INPP4A: variants seen among roughly 807,000 people sequenced by gnomAD.
INPP4A encodes inositol polyphosphate-4-phosphatase, type I, 107kD.
INPP4A carries 33 observed loss-of-function variants against 119.8 expected under a neutral mutation model. The observed-to-expected ratio is 0.28, with a 90% CI of 0.21 to 0.37. The LOEUF (loss-of-function observed/expected upper bound fraction) is 0.37, where lower values mean the gene tolerates loss of function less well. INPP4A is among the 10% of genes least tolerant of loss of function. The pLI is 1.00. For missense variants in INPP4A, 956 were observed against 1,289.9 expected (o/e 0.74, Z 3.97); for synonymous variants, 496 against 500.7 (o/e 0.99, Z 0.12).
At chr2:98,558,592 G>A (rs1245815449) in intron 16 of INPP4A, among the ~76,000 whole-genome samples, 1 of 152,144 alleles carries the variant, frequency 6.6e-6, no homozygotes, top group Non-Finnish European at 1.5e-5. Flanking sequence ...CCATAAAGCT[G>A]GTTCTGGCTG....
chr2:98,523,239 A>G (rs1687557674), intron 4 of INPP4A, among the ~76,000 whole-genome samples: 1 of 152,266 alleles, frequency 6.6e-6, no homozygotes, highest in Non-Finnish European at 1.5e-5. Flanking sequence ...TCATCCGCCT[A>G]TAAATCAGGA....
At chr2:98,567,991 C>G (rs752211387) in intron 21 of INPP4A, among the ~76,000 whole-genome samples, 12 of 152,238 alleles carry the variant, frequency 7.9e-5, no homozygotes, top group Non-Finnish European at 1.5e-4. Flanking sequence ...CTAATGATCA[C>G]CTTGTGCCTT....
At chr2:98,468,399 A>G (rs1034898737) in intron 1 of INPP4A, among the ~76,000 whole-genome samples, 2 of 152,008 alleles carry the variant, frequency 1.3e-5, no homozygotes, top group Non-Finnish European at 2.9e-5. Flanking sequence ...CCATGCCTAA[A>G]TTTTATTTTT....
At chr2:98,552,666 GAA>G (rs1282672397) in intron 13 of INPP4A, 118 bp from the exon 14 acceptor site, 2 of 834,972 alleles carry the variant, frequency 2.4e-6, no homozygotes, top group African/African-American at 3.3e-5. Context: ...TAGCTTGAGA[GAA>G]CATCCCTGAG....
Position 98,588,385 on chromosome 2 carries a change from C to A in INPP4A, c.*777C>A. 1 of 199,474 alleles carries A rather than the reference C, an allele frequency of 5.0e-6. No individual in the cohort carries two copies. The highest frequency in any genetic ancestry group is 7.9e-5 in the East Asian group (1 of 12,726). 12.4% of individuals were successfully genotyped at this position (199,474 alleles called of 1,614,324 possible). On this transcript the variant is annotated 3_prime_UTR_variant, in exon 25 of 25. Coordinates refer to ENST00000409851, the MANE Select transcript of INPP4A (RefSeq NM_001134225.2). The stretch of plus-strand genomic sequence containing the variant: ...CCGAGGCTCCCTCACGCCCAGAGGA[C>A]ACATCTCCCCTTCTTCTCTAGATGT...
chr2:98,526,617 C>T lies in INPP4A; in HGVS notation c.151+5886C>T, dbSNP rs149326719. On this transcript the variant is annotated intron_variant, in intron 4 of 24. Transcript: ENST00000409851. ...AACTCTGAAAATTAACAGAGGCTTA[C>T]AGCACTCTGGGTAGCATTTATTTAA... Among the ~76,000 whole-genome samples the T allele has an allele frequency of 1.6e-4, 24 of 152,294 alleles. 1 individual carries two copies. Among genetic ancestry groups the T allele is most frequent in the Non-Finnish European group, 1.8e-4 (12 of 68,026 alleles).
chr2:98,553,008 T>G (rs752784449), intron 14 of INPP4A, 39 bp downstream of exon 14: 1 of 1,538,500 alleles, frequency 6.5e-7, no homozygotes, highest in Admixed American at 1.9e-5. Context: ...CTGGGGAGTT[T>G]CCTTGGGTTT....
At chr2:98,450,284 A>T (rs533670212) in intron 1 of INPP4A, among the ~76,000 whole-genome samples, 1 of 152,238 alleles carries the variant, frequency 6.6e-6, no homozygotes, top group African/African-American at 2.4e-5. Context: ...ACCCAGTTAT[A>T]TCACCTAACT....
intron 1 of INPP4A, among the ~76,000 whole-genome samples, chr2:98,491,726 C>T (rs757926408): frequency 2.6e-5 from 4 of 152,164 alleles, no homozygotes; most frequent in Non-Finnish European, 5.9e-5. Context: ...CCCTTAGGGG[C>T]ACACAGTCAT....
chr2:98,504,464 G>A (rs528543733), intron 1 of INPP4A, among the ~76,000 whole-genome samples: 2 of 152,322 alleles, frequency 1.3e-5, no homozygotes, highest in South Asian at 4.1e-4. Flanking sequence ...GGGACCTAGA[G>A]GACCAAGATG....
rs1456418696 is a variant in INPP4A at position 98,570,165 on chromosome 2, C to T, written c.2518+1497C>T. Reference sequence around the variant, plus strand: ...GCGCAGGGCTACAGGGGACCGACAGCGAGTGCAGCACTGGCCCCAGCTGAG... The same window carrying T: ...GCGCAGGGCTACAGGGGACCGACAGTGAGTGCAGCACTGGCCCCAGCTGAG... On this transcript the variant is annotated intron_variant, in intron 22 of 24. Transcript: ENST00000409851. The surrounding 1 kb of genome is among the most constrained non-coding windows in gnomAD (Gnocchi z 4.3). 3.9e-5 allele frequency among the ~76,000 whole-genome samples: 6 copies of T among 152,104 alleles called. No homozygotes were observed. The highest frequency in any genetic ancestry group is 1.9e-4 in the East Asian group (1 of 5,186).
chr2:98,469,761 G>A (rs370163733), intron 1 of INPP4A, among the ~76,000 whole-genome samples: 28 of 152,074 alleles, frequency 1.8e-4, no homozygotes, highest in East Asian at 5.8e-4. Context: ...CTGAGATCAC[G>A]CCATTGCACT....
chr2:98,584,547 G>A (rs1368215710), intron 24 of INPP4A, among the ~76,000 whole-genome samples: 2 of 152,272 alleles, frequency 1.3e-5, no homozygotes, highest in African/African-American at 4.8e-5. Context: ...CCTCCCAGGG[G>A]GCCTCAAGGA....
intron 1 of INPP4A, among the ~76,000 whole-genome samples, chr2:98,511,616 A>G (rs1685134171): frequency 6.6e-6 from 1 of 152,152 alleles, no homozygotes. Context: ...TCCTGGAGGG[A>G]CAGAGCACCC....
intron 24 of INPP4A, chr2:98,581,757 A>T (rs772377041): frequency 6.8e-5 from 109 of 1,607,916 alleles, no homozygotes; most frequent in South Asian, 3.1e-4. Flanking sequence ...TTGCAAATGA[A>T]TATCATTATG....
At chr2:98,545,107 G>C (rs192596493) in intron 11 of INPP4A, among the ~76,000 whole-genome samples, 1 of 152,270 alleles carries the variant, frequency 6.6e-6, no homozygotes, top group East Asian at 1.9e-4. Flanking sequence ...CTCATGGTGC[G>C]GTCTGTGGAC....
At chr2:98,483,819 C>T (rs1678990811) in intron 1 of INPP4A, among the ~76,000 whole-genome samples, 1 of 152,132 alleles carries the variant, frequency 6.6e-6, no homozygotes, top group Non-Finnish European at 1.5e-5. Context: ...CAAGGTTGCA[C>T]ATTGGCTGCA....
intron 1 of INPP4A, among the ~76,000 whole-genome samples, chr2:98,456,116 G>T (rs1032816490): frequency 6.6e-6 from 1 of 152,148 alleles, no homozygotes; most frequent in African/African-American, 2.4e-5. Context: ...TCTGGTTCAG[G>T]TCTGGACTGT....
At chr2:98,535,473 C>G (rs933993075) in intron 5 of INPP4A, among the ~76,000 whole-genome samples, 4 of 152,192 alleles carry the variant, frequency 2.6e-5, no homozygotes, top group Admixed American at 1.3e-4. Context: ...AGTCCTCAGG[C>G]ACAGCTTGTG....
Sources: allele counts gnomAD v4.1 joint callset (sites outside exome capture counted in the v4.1 genomes callset), GRCh38; gene constraint gnomAD v4.1.1; non-coding constraint Gnocchi (gnomAD v3.1); transcripts MANE v1.5; gene names NCBI Gene and HGNC (gene_info 2026-07-23, HGNC 2026-07-21).